Variants in LRP1B observed in about 807,000 individuals in gnomAD.
LRP1B encodes the protein LDL receptor related protein 1B.
Under a neutral mutation model 556.6 loss-of-function variants are expected in LRP1B, and 217 were observed. The observed-to-expected ratio is 0.39, with a 90% CI of 0.35 to 0.44. LRP1B has a LOEUF of 0.44. Among genes scored for constraint, LRP1B ranks in the 20% least tolerant of loss-of-function variants. LRP1B has a pLI of 1.00. For missense variants in LRP1B, 5,053 were observed against 5,620.8 expected (o/e 0.90, Z 3.23); for synonymous variants, 2,047 against 1,865.8 (o/e 1.10, Z -2.50).
chr2:140,460,719 A>T (rs897712481), intron 60 of LRP1B, among the ~76,000 whole-genome samples: 4 of 152,158 alleles, frequency 2.6e-5, no homozygotes, highest in African/African-American at 9.7e-5. Flanking sequence ...TCTAAAGCCT[A>T]TTTAAAAGCT....
chr2:141,962,411 C>A (rs996331815), intron 1 of LRP1B, among the ~76,000 whole-genome samples: 1 of 151,748 alleles, frequency 6.6e-6, no homozygotes, highest in African/African-American at 2.4e-5. Context: ...TTTATTAATT[C>A]ATCCTTTCCC....
intron 72 of LRP1B, among the ~76,000 whole-genome samples, chr2:140,359,510 C>T (rs1438728953): frequency 6.6e-6 from 1 of 151,514 alleles, no homozygotes; most frequent in Non-Finnish European, 1.5e-5. Flanking sequence ...TTTAAAAAGA[C>T]CACAATGAAA....
Position 140,373,148 on chromosome 2 carries a change from C to A in LRP1B, c.10639-11G>T. ...TGTCTCACAATTTCTCTATGAAAAA[C>A]AACAGAGATATAATCAAAATTAAAA... On this transcript the variant is annotated splice_polypyrimidine_tract_variant and intron_variant, in intron 68 of 90. Coordinates refer to ENST00000389484, the MANE Select transcript of LRP1B (RefSeq NM_018557.3). 1.9e-6 allele frequency: 3 copies of A among 1,611,272 alleles called. No homozygotes were observed. The highest frequency in any genetic ancestry group is 2.5e-6 in the Non-Finnish European group (3 of 1,178,338).
chr2:140,303,808 C>A (rs574411406), intron 83 of LRP1B, among the ~76,000 whole-genome samples: 13 of 152,034 alleles, frequency 8.6e-5, no homozygotes, highest in Admixed American at 5.9e-4. Context: ...TCCCTCCCCC[C>A]CTCCTCCCAC....
intron 43 of LRP1B, among the ~76,000 whole-genome samples, chr2:140,577,327 AC>A (rs1391572536): frequency 6.6e-6 from 1 of 152,028 alleles, no homozygotes; most frequent in African/African-American, 2.4e-5. Context: ...TACTAAAGAT[AC>A]AAAAATTAGC....
rs78556783 is a variant in LRP1B, at chr2:140,549,997, T to G, written c.7195-8026A>C. ...AGATTAGGTATTTCTCCTAACACTC[T>G]CCCTCCCCTAGCCCCCACCCTCTGA... On this transcript the variant is annotated intron_variant, in intron 43 of 90. Coordinates refer to ENST00000389484, the MANE Select transcript of LRP1B (RefSeq NM_018557.3). Among the ~76,000 whole-genome samples the G allele has an allele frequency of 2.6e-4, 40 of 152,064 alleles. No homozygotes were observed. The East Asian group carries it at 5.6e-3, about 21-fold the overall frequency.
intron 1 of LRP1B, among the ~76,000 whole-genome samples, chr2:141,828,482 A>C (rs1221106717): frequency 6.6e-6 from 1 of 152,226 alleles, no homozygotes; most frequent in Non-Finnish European, 1.5e-5. Context: ...GATAGATGTT[A>C]CGAGAATAGA....
At chr2:140,433,473 A>G (rs1686041011) in intron 66 of LRP1B, among the ~76,000 whole-genome samples, 1 of 152,208 alleles carries the variant, frequency 6.6e-6, no homozygotes, top group Non-Finnish European at 1.5e-5. Context: ...AAATTTCCAG[A>G]GTTCTGATAT....
intron 32 of LRP1B, among the ~76,000 whole-genome samples, chr2:140,794,912 C>T (rs753121242): frequency 4.3e-4 from 65 of 152,018 alleles, no homozygotes; most frequent in Non-Finnish European, 9.1e-4. Context: ...CGCACCCAGC[C>T]GGCCACTTTC....
intron 1 of LRP1B, among the ~76,000 whole-genome samples, chr2:142,029,102 T>C (rs1399276756): frequency 1.3e-5 from 2 of 151,858 alleles, no homozygotes; most frequent in Non-Finnish European, 2.9e-5. Context: ...CTCCCTCTTC[T>C]GTCCCTACCC....
intron 25 of LRP1B, among the ~76,000 whole-genome samples, chr2:140,879,450 T>G (rs1487047232): frequency 1.3e-5 from 2 of 152,246 alleles, no homozygotes; most frequent in East Asian, 3.9e-4. Context: ...GACTAAAATT[T>G]TGTCGATTTA....
chr2:141,811,862 C>A (rs1206207245), intron 1 of LRP1B, among the ~76,000 whole-genome samples: 1 of 151,956 alleles, frequency 6.6e-6, no homozygotes, highest in Non-Finnish European at 1.5e-5. Context: ...AGATCTCACT[C>A]TCCAAAAAAT....
intron 1 of LRP1B, among the ~76,000 whole-genome samples, chr2:142,118,485 A>G (rs1199093142): frequency 1.3e-5 from 2 of 152,104 alleles, no homozygotes; most frequent in East Asian, 3.9e-4. Context: ...ACGGGTCAAC[A>G]TTTTCTGCCC....
At chr2:141,266,467 G>A (rs1426872700) in intron 3 of LRP1B, among the ~76,000 whole-genome samples, 2 of 151,534 alleles carry the variant, frequency 1.3e-5, no homozygotes, top group African/African-American at 2.4e-5. Flanking sequence ...CAATTCTGAT[G>A]TATGCCACTA....
rs545896699 is a variant in LRP1B, at chr2:141,865,453, G to C, written c.83-55052C>G. ...TAAAAATACAAAAAATTAGCCGGGC[G>C]TAGTGGCGGGCGCCTGTAGTCCCAG... On this transcript the variant is annotated intron_variant, in intron 1 of 90. Transcript: ENST00000389484. 6.7e-5 allele frequency among the ~76,000 whole-genome samples: 10 copies of C among 150,238 alleles called. 1 individual carries two copies. The South Asian group carries it at 2.1e-3, about 32-fold the overall frequency.
rs2104872578 is a variant in LRP1B, at chr2:140,495,548, C to T, written c.9034+17G>A. On this transcript the variant is annotated intron_variant, in intron 56 of 90. Transcript: ENST00000389484. The stretch of plus-strand genomic sequence containing the variant: ...GTATAACTGAGGTTGGATCAGTGGG[C>T]AAGTTCAATTCGATACCTGAGAGCG... The T allele has an allele frequency of 6.4e-7, 1 of 1,555,362 alleles. No individual in the cohort carries two copies. The highest frequency in any genetic ancestry group is 8.8e-7 in the Non-Finnish European group (1 of 1,136,770).
intron 29 of LRP1B, among the ~76,000 whole-genome samples, chr2:140,845,865 T>C (rs900139170): frequency 6.6e-6 from 1 of 151,360 alleles, no homozygotes; most frequent in African/African-American, 2.4e-5. Context: ...ATTAAGCGAG[T>C]TGGAAGGCAG....
chr2:140,462,928 CCT>C (rs768322706), intron 60 of LRP1B, among the ~76,000 whole-genome samples: 5 of 152,002 alleles, frequency 3.3e-5, no homozygotes, highest in Non-Finnish European at 1.5e-5. Context: ...AATAATTTCC[CCT>C]GATATTTTTC....
At chr2:140,649,635 G>A (rs1218970285) in intron 41 of LRP1B, among the ~76,000 whole-genome samples, 4 of 152,156 alleles carry the variant, frequency 2.6e-5, no homozygotes, top group Non-Finnish European at 4.4e-5. Flanking sequence ...TTTGTTATAT[G>A]ATAATGCCAT....
Sources: allele counts gnomAD v4.1 joint callset (sites outside exome capture counted in the v4.1 genomes callset), GRCh38; gene constraint gnomAD v4.1.1; transcripts MANE v1.5; gene names NCBI Gene and HGNC (gene_info 2026-07-23, HGNC 2026-07-21).